FRY: variants seen among roughly 807,000 people sequenced by gnomAD.
FRY encodes the protein FRY microtubule binding protein.
Under a neutral mutation model 348.4 loss-of-function variants are expected in FRY, and 128 were observed. That is an observed-to-expected ratio of 0.37 (90% CI 0.32 to 0.43). The LOEUF (loss-of-function observed/expected upper bound fraction) is 0.43, where lower values mean the gene tolerates loss of function less well. Among genes scored for constraint, FRY ranks in the 20% least tolerant of loss-of-function variants. The pLI is 1.00. For synonymous variants in FRY, 1,370 were observed against 1,374.7 expected (o/e 1.00, Z 0.08); for missense variants, 2,736 against 3,695.2 (o/e 0.74, Z 6.73).
At chr13:32,100,455 G>T (rs1200335170) in intron 2 of FRY, among the ~76,000 whole-genome samples, 10 of 151,910 alleles carry the variant, frequency 6.6e-5, no homozygotes, top group Non-Finnish European at 1.0e-4. Context: ...TTATTATGTT[G>T]TTGCCATTGA....
intron 56 of FRY, among the ~76,000 whole-genome samples, chr13:32,275,612 C>A (rs1888497131): frequency 6.6e-6 from 1 of 152,184 alleles, no homozygotes; most frequent in Non-Finnish European, 1.5e-5. Flanking sequence ...GGTCAGATAA[C>A]CTCCTGGAGC....
intron 2 of FRY, among the ~76,000 whole-genome samples, chr13:32,100,990 A>C (rs975025656): frequency 6.6e-6 from 1 of 151,948 alleles, no homozygotes; most frequent in Non-Finnish European, 1.5e-5. Flanking sequence ...TTTTTGGGGG[A>C]TACATTGAGG....
intron 29 of FRY, among the ~76,000 whole-genome samples, chr13:32,195,355 A>G (rs1883610735): frequency 6.6e-6 from 1 of 152,306 alleles, no homozygotes; most frequent in Admixed American, 6.5e-5. Context: ...ATACTTTAGG[A>G]CATTACCAAA....
intron 57 of FRY, among the ~76,000 whole-genome samples, chr13:32,277,744 G>A (rs1051985299): frequency 2.0e-5 from 3 of 152,180 alleles, no homozygotes; most frequent in South Asian, 2.1e-4. Context: ...ACTCTCCACC[G>A]TAACAATTAG....
At chr13:32,242,610 C>T (rs990885881) in intron 46 of FRY, among the ~76,000 whole-genome samples, 1 of 152,192 alleles carries the variant, frequency 6.6e-6, no homozygotes, top group African/African-American at 2.4e-5. Context: ...CGTTGGCTCA[C>T]TGCAACTTCC....
chr13:32,202,174 G>A, intron 30 of FRY, 134 bp downstream of exon 30: 2 of 807,078 alleles, frequency 2.5e-6, no homozygotes, highest in South Asian at 2.8e-5. Flanking sequence ...TATGAAGAGT[G>A]AGAAAGTAAC....
Position 32,257,596 on chromosome 13 carries a change from C to T in FRY, c.7416+3202C>T, listed in dbSNP as rs575885041. ...TTATTTCCAGTTGATGACCCTCATT[C>T]ATGTTTCCATAACATTTAACAGTTT... On this transcript the variant is annotated intron_variant, in intron 51 of 60. Transcript: ENST00000542859. 7.2e-5 allele frequency among the ~76,000 whole-genome samples: 11 copies of T among 152,236 alleles called. No individual in the cohort carries two copies. The South Asian group carries it at 2.3e-3, about 32-fold the overall frequency.
At chr13:32,290,069 C>T (rs1593857509) in intron 59 of FRY, among the ~76,000 whole-genome samples, 1 of 152,130 alleles carries the variant, frequency 6.6e-6, no homozygotes, top group Admixed American at 6.5e-5. Context: ...TGAAAACTTT[C>T]CATGTGTGTG....
At chr13:32,149,861 T>C in intron 14 of FRY, 27 bp downstream of exon 14, 2 of 1,336,424 alleles carry the variant, frequency 1.5e-6, no homozygotes, top group Non-Finnish European at 2.2e-6. Context: ...TATGTACTTC[T>C]AACAGAGCAT....
chr13:32,111,010 CAT>C (rs2138669456), intron 3 of FRY, among the ~76,000 whole-genome samples: 2 of 152,298 alleles, frequency 1.3e-5, no homozygotes, highest in African/African-American at 4.8e-5. Flanking sequence ...AGGGCAACAT[CAT>C]AGGATTCTGG....
intron 1 of FRY, among the ~76,000 whole-genome samples, chr13:32,057,632 A>C (rs1458368454): frequency 6.6e-6 from 1 of 152,164 alleles, no homozygotes; most frequent in Non-Finnish European, 1.5e-5. Context: ...GTGAAGGTAG[A>C]TGCATTGGGT....
At chr13:32,151,448 G>A (rs1880788871) in intron 14 of FRY, among the ~76,000 whole-genome samples, 1 of 152,250 alleles carries the variant, frequency 6.6e-6, no homozygotes, top group African/African-American at 2.4e-5. Flanking sequence ...AAGCAGACGG[G>A]AGGACAGCAT....
At chr13:32,198,801 T>C (rs1281518397) in intron 29 of FRY, among the ~76,000 whole-genome samples, 1 of 152,204 alleles carries the variant, frequency 6.6e-6, no homozygotes, top group Non-Finnish European at 1.5e-5. Context: ...ACTGTGTTTA[T>C]TTAAAAATAC....
At chr13:32,102,522 T>C (rs1310967217) in intron 3 of FRY, among the ~76,000 whole-genome samples, 2 of 152,310 alleles carry the variant, frequency 1.3e-5, no homozygotes, top group South Asian at 2.1e-4. Flanking sequence ...GTGAGAAAGA[T>C]ACTACCTCAA....
intron 55 of FRY, 112 bp from the exon 56 acceptor site, chr13:32,274,727 AAAT>A: frequency 2.8e-5 from 18 of 638,134 alleles, no homozygotes; most frequent in Non-Finnish European, 4.3e-5. Flanking sequence ...AAAAAAAAAA[AAAT>A]CAGTTAATGT....
At chr13:32,230,989 A>G (rs1885879085) in intron 40 of FRY, among the ~76,000 whole-genome samples, 190 bp from the exon 41 acceptor site, 1 of 152,080 alleles carries the variant, frequency 6.6e-6, no homozygotes, top group Admixed American at 6.5e-5. Context: ...TCCTTTGCCC[A>G]CTTTTTAATG....
intron 58 of FRY, among the ~76,000 whole-genome samples, chr13:32,286,349 G>T (rs1215033340): frequency 6.6e-6 from 1 of 151,962 alleles, no homozygotes; most frequent in Non-Finnish European, 1.5e-5. Flanking sequence ...ATTAGGAATG[G>T]TCAATTTGAT....
At chr13:32,290,764 T>C (rs992241494) in intron 59 of FRY, among the ~76,000 whole-genome samples, 2 of 151,140 alleles carry the variant, frequency 1.3e-5, no homozygotes, top group African/African-American at 4.9e-5. Context: ...GCGCTAGGTA[T>C]GGAGAGGAGG....
chr13:32,044,957 G>A (rs1182480984), intron 1 of FRY, among the ~76,000 whole-genome samples: 1 of 152,156 alleles, frequency 6.6e-6, no homozygotes, highest in Non-Finnish European at 1.5e-5. Context: ...AGTAAAATAT[G>A]ACCAGTAATC....
Sources: gnomAD v4.1 joint callset for allele counts (sites outside exome capture counted in the v4.1 genomes callset) on GRCh38, gnomAD v4.1.1 for gene constraint, MANE v1.5 for transcripts, NCBI Gene and HGNC (gene_info 2026-07-23, HGNC 2026-07-21) for gene names.